SLC12A6: variants seen among roughly 807,000 people sequenced by gnomAD.
SLC12A6 encodes K-Cl cotransporter 3.
Under a neutral mutation model 135.3 loss-of-function variants are expected in SLC12A6, and 66 were observed. The observed-to-expected ratio is 0.49, with a 90% CI of 0.40 to 0.60. The LOEUF is 0.60. Ranked by LOEUF, SLC12A6 falls within the 20% of genes least tolerant of loss-of-function variation. The pLI, the probability that SLC12A6 is intolerant of heterozygous loss-of-function variation, is 0.00. For missense variants in SLC12A6, 1,058 were observed against 1,452.3 expected (o/e 0.73, Z 4.41); for synonymous variants, 513 against 508.8 (o/e 1.01, Z -0.11).
At chr15:34,241,378 A>G (rs370966267) in intron 17 of SLC12A6, 41 bp from the exon 18 acceptor site, 19 of 1,055,968 alleles carry the variant, frequency 1.8e-5, no homozygotes, top group South Asian at 5.2e-5. Flanking sequence ...TTTAAACTAT[A>G]GTAAGTATAA....
In SLC12A6 at chr15:34,240,840, G is replaced by A. The variant is rs1052186991; in HGVS notation, c.2268-11C>T. ...ACAAGCAACTGAGGCCTGTGAAGAGGTTGGTGGGGGTTGGAGGGGAGGAGA... is the reference window on the plus strand; with the variant it reads ...ACAAGCAACTGAGGCCTGTGAAGAGATTGGTGGGGGTTGGAGGGGAGGAGA... On this transcript the variant is annotated splice_polypyrimidine_tract_variant and intron_variant, in intron 18 of 25. Coordinates refer to ENST00000354181, the MANE Select transcript of SLC12A6 (RefSeq NM_001365088.1). 3 of 1,607,516 alleles carry A rather than the reference G, an allele frequency of 1.9e-6. No individual in the cohort carries two copies. The highest frequency in any genetic ancestry group is 2.7e-5 in the African/African-American group (2 of 74,922).
At chr15:34,300,243 G>T (rs1252279017) in intron 2 of SLC12A6, among the ~76,000 whole-genome samples, 3 of 152,090 alleles carry the variant, frequency 2.0e-5, no homozygotes, top group South Asian at 2.1e-4. Flanking sequence ...TTATGAAGAA[G>T]AATATTAGAA....
chr15:34,230,734 GAGAC>G lies in SLC12A6; in HGVS notation c.*3143_*3146del, dbSNP rs143386876. On this transcript the variant is annotated 3_prime_UTR_variant, in exon 26 of 26. Transcript: ENST00000354181. ...TGATTAAAAGAGATGAGAGACTTTG[GAGAC>G]AGACAACGTAAGCAACACATACACA... The G allele has an allele frequency of 0.17, 26,127 of 152,498 alleles. 2,281 individuals are homozygous for G. Among genetic ancestry groups the G allele is most frequent in the Middle Eastern group, 0.3 (88 of 294 alleles). 9.4% of individuals were successfully genotyped at this position (152,498 alleles called of 1,614,324 possible). A position where few individuals can be genotyped will look rare whatever the true frequency, so the allele number is the denominator to read the frequency against.
At chr15:34,292,895 A>G (rs1895638727) in intron 2 of SLC12A6, among the ~76,000 whole-genome samples, 1 of 152,162 alleles carries the variant, frequency 6.6e-6, no homozygotes, top group Non-Finnish European at 1.5e-5. Context: ...GCAGGAGTGT[A>G]CCACTCCTCC....
rs957670142 is a variant in SLC12A6, at chr15:34,260,117, T to C, written c.411+809A>G. On this transcript the variant is annotated intron_variant, in intron 4 of 25. Transcript: ENST00000354181. ...TGAAAATGATAAGTATACGAGGTGA[T>C]ATATATGCTAATTAGCTTGATTTAA... Among the ~76,000 whole-genome samples the C allele has an allele frequency of 5.3e-5, 8 of 152,230 alleles. No homozygotes were observed. The East Asian group carries it at 7.7e-4, about 15-fold the overall frequency.
Position 34,254,531 on chromosome 15 carries a change from G to A in SLC12A6, c.935C>T (p.Ala312Val), listed in dbSNP as rs1892614325. 6.2e-7 allele frequency: 1 copy of A among 1,610,244 alleles called. No individual in the cohort carries two copies. Among genetic ancestry groups the A allele is most frequent in the Non-Finnish European group, 8.5e-7 (1 of 1,176,508 alleles). ...GACACGCATGTTATTTAGCATGGCT[G>A]CTGATTCCTTGAGTGCGTCATCACT... ...FHSDDALKESAAMLNNMRVYG... is the reference protein window; with the variant it reads ...FHSDDALKESVAMLNNMRVYG... Residue 312 changes from alanine to valine, a missense_variant, in exon 9 of 26, where the codon GCA becomes GTA. By Grantham distance (64) the Ala-to-Val change is moderately conservative. Coordinates refer to ENST00000354181, the MANE Select transcript of SLC12A6 (RefSeq NM_001365088.1).
intron 2 of SLC12A6, among the ~76,000 whole-genome samples, chr15:34,329,459 T>C (rs369287090): frequency 6.6e-6 from 1 of 152,212 alleles, no homozygotes; most frequent in African/African-American, 2.4e-5. Flanking sequence ...TTCCCAGGTT[T>C]GCAGGAGTAC....
intron 14 of SLC12A6, 140 bp from the exon 15 acceptor site, chr15:34,245,543 G>A: frequency 2.2e-6 from 2 of 892,728 alleles, no homozygotes; most frequent in South Asian, 1.3e-5. Context: ...AGCACTCACA[G>A]GTAAACTCAT....
chr15:34,326,151 A>T (rs1566873579), intron 2 of SLC12A6, among the ~76,000 whole-genome samples: 1 of 151,974 alleles, frequency 6.6e-6, no homozygotes, highest in East Asian at 1.9e-4. Flanking sequence ...GCATATCACA[A>T]CTCTTTATAA....
intron 19 of SLC12A6, 118 bp from the exon 20 acceptor site, chr15:34,239,278 T>C (rs1891481360): frequency 2.5e-6 from 2 of 787,806 alleles, no homozygotes; most frequent in Non-Finnish European, 4.4e-6. Context: ...TACTATATCA[T>C]CTACAGAAAA....
intron 2 of SLC12A6, among the ~76,000 whole-genome samples, chr15:34,309,831 G>A (rs1186154110): frequency 1.3e-5 from 2 of 152,022 alleles, no homozygotes; most frequent in African/African-American, 4.8e-5. Flanking sequence ...ATTTTAAAGC[G>A]TGCAGATCTA....
rs778133689 is a variant in SLC12A6, at chr15:34,236,110, C to CT, written c.3131dup (p.Val1045GlyfsTer29). The CT allele has an allele frequency of 1.2e-6, 2 of 1,613,690 alleles. No homozygotes were observed. Among genetic ancestry groups the CT allele is most frequent in the Non-Finnish European group, 1.7e-6 (2 of 1,179,584 alleles). On this transcript the variant is annotated frameshift_variant, in exon 24 of 26. Coordinates refer to ENST00000354181, the MANE Select transcript of SLC12A6 (RefSeq NM_001365088.1). LOFTEE classifies it high-confidence loss of function. ...TGTCTTTTGTCCAAGTCATGTGCACCTTCTCCTGATAGGTTTCTGTCTCTT... is the reference window on the plus strand; with the variant it reads ...TGTCTTTTGTCCAAGTCATGTGCACCTTTCTCCTGATAGGTTTCTGTCTCTT...
intron 2 of SLC12A6, among the ~76,000 whole-genome samples, chr15:34,333,491 A>G (rs888121946): frequency 1.3e-5 from 2 of 151,760 alleles, no homozygotes; most frequent in African/African-American, 2.4e-5. Context: ...TCGGCCTCCC[A>G]AAGTGCTAGG....
intron 2 of SLC12A6, among the ~76,000 whole-genome samples, chr15:34,303,085 A>G (rs1054972605): frequency 6.6e-6 from 1 of 152,192 alleles, no homozygotes; most frequent in African/African-American, 2.4e-5. Flanking sequence ...AAAAATAAAC[A>G]TGACCATAAG....
In SLC12A6 at chr15:34,319,025, G is replaced by C. The variant is rs113986260; in HGVS notation, c.271+17385C>G. Among the ~76,000 whole-genome samples, 5,966 of 152,040 alleles carry C rather than the reference G, an allele frequency of 0.039. 218 individuals carry two copies. Among genetic ancestry groups the C allele is most frequent in the African/African-American group, 0.099 (4,086 of 41,430 alleles). Reference sequence around the variant, plus strand: ...AATTCACAGTGAACTACTGTCTACCGCTTGCTCCTCTATTTCCTTCACTGA... The same window carrying C: ...AATTCACAGTGAACTACTGTCTACCCCTTGCTCCTCTATTTCCTTCACTGA... On this transcript the variant is annotated intron_variant, in intron 2 of 25. Coordinates refer to ENST00000354181, the MANE Select transcript of SLC12A6 (RefSeq NM_001365088.1).
intron 2 of SLC12A6, among the ~76,000 whole-genome samples, chr15:34,295,632 A>G (rs1191063586): frequency 6.6e-6 from 1 of 152,232 alleles, no homozygotes; most frequent in Non-Finnish European, 1.5e-5. Flanking sequence ...TCATGTGATA[A>G]TAATAGTTTG....
At chr15:34,322,387 C>A (rs1433402136) in intron 2 of SLC12A6, among the ~76,000 whole-genome samples, 1 of 150,682 alleles carries the variant, frequency 6.6e-6, no homozygotes, top group Non-Finnish European at 1.5e-5. Context: ...GAAAAAAAAA[C>A]AAAAACAAAA....
chr15:34,298,493 A>G (rs1896026755), intron 2 of SLC12A6, among the ~76,000 whole-genome samples: 1 of 151,744 alleles, frequency 6.6e-6, no homozygotes, highest in South Asian at 2.1e-4. Flanking sequence ...TAAATAAATA[A>G]ATAAATAAAA....
intron 24 of SLC12A6, 54 bp downstream of exon 24, chr15:34,235,961 T>G (rs1349877372): frequency 1.7e-5 from 23 of 1,359,560 alleles, no homozygotes; most frequent in Admixed American, 3.4e-5. Flanking sequence ...CAAAGTCACA[T>G]TTGTGCCACT....
Sources: allele counts gnomAD v4.1 joint callset (sites outside exome capture counted in the v4.1 genomes callset), GRCh38; gene constraint gnomAD v4.1.1; transcripts MANE v1.5; gene names NCBI Gene and HGNC (gene_info 2026-07-23, HGNC 2026-07-21).